MIAT: variants seen among roughly 807,000 people sequenced by gnomAD.
MIAT encodes MI related novel mRNA.
chr22:26,662,362 A>T (rs1182602068), intron 2 of MIAT, among the ~76,000 whole-genome samples: 3 of 152,122 alleles, frequency 2.0e-5, no homozygotes, highest in African/African-American at 7.2e-5. Context: ...TCATCTGTAA[A>T]GTGGGGATAA....
downstream of MIAT, chr22:26,670,586 A>G: frequency 2.6e-6 from 1 of 377,906 alleles, no homozygotes; most frequent in East Asian, 3.7e-5. Flanking sequence ...AACTTCTAGG[A>G]AATGTCATTG....
exon 5 of MIAT, chr22:26,675,028 T>G (rs1441519039): frequency 2.5e-6 from 1 of 398,798 alleles, no homozygotes; most frequent in Non-Finnish European, 4.4e-6. Flanking sequence ...GCACCTACTC[T>G]GTGCCAGGCG....
intron 2 of MIAT, among the ~76,000 whole-genome samples, chr22:26,647,764 G>T (rs2269671): frequency 0.19 from 28,861 of 151,796 alleles, 2,959 homozygotes; most frequent in Non-Finnish European, 0.23. Flanking sequence ...AGAACAGACT[G>T]GGGGGAAGCC....
downstream of MIAT, chr22:26,673,715 G>T (rs76314208): frequency 2.0e-3 from 813 of 398,692 alleles, 6 homozygotes; most frequent in African/African-American, 0.015. Context: ...ACAGGGAAAA[G>T]CATAGCTAAC....
downstream of MIAT, chr22:26,673,155 C>T (rs541430247): frequency 7.5e-6 from 3 of 398,550 alleles, no homozygotes; most frequent in South Asian, 1.3e-4. Flanking sequence ...AGAAGTGAAC[C>T]TCAGGGGCTC....
intron 2 of MIAT, among the ~76,000 whole-genome samples, chr22:26,662,914 A>T (rs763314902): frequency 2.0e-4 from 31 of 152,262 alleles, no homozygotes; most frequent in Non-Finnish European, 3.8e-4. Context: ...AGTGATAATA[A>T]TAATAATGAT....
chr22:26,652,332 A>ATCTC (rs1009469541), intron 2 of MIAT, among the ~76,000 whole-genome samples: 5 of 149,506 alleles, frequency 3.3e-5, no homozygotes, highest in Non-Finnish European at 7.4e-5. Flanking sequence ...TGAATTTCCT[A>ATCTC]TCTCTCTCTC....
downstream of MIAT, chr22:26,670,602 T>TTA (rs367735721): frequency 0.016 from 4,859 of 308,064 alleles, 1 homozygote; most frequent in East Asian, 0.022. Context: ...CATTGCTCCT[T>TTA]AAAAAAAAAA....
At chr22:26,648,666 G>A (rs987133639) in intron 2 of MIAT, among the ~76,000 whole-genome samples, 2 of 150,846 alleles carry the variant, frequency 1.3e-5, no homozygotes, top group Admixed American at 1.3e-4. Flanking sequence ...TTTTTTAAGT[G>A]CCGCTAATGT....
chr22:26,673,634 G>GGGCTAACACAGCTTTGAACTT (rs1289702635), downstream of MIAT: 12 of 398,562 alleles, frequency 3.0e-5, no homozygotes. Context: ...GGCTGGGAAG[G>GGGCTAACACAGCTTTGAACTT]GGCTAACACA....
downstream of MIAT, chr22:26,673,558 G>A: frequency 2.5e-6 from 1 of 398,668 alleles, no homozygotes; most frequent in Non-Finnish European, 4.4e-6. Flanking sequence ...ATGGTTTGTG[G>A]ATTTTTTTCT....
chr22:26,646,758 C>G (rs1915214286), exon 1 of MIAT: 1 of 398,600 alleles, frequency 2.5e-6, no homozygotes, highest in Non-Finnish European at 4.4e-6. Context: ...ATTATTTGCC[C>G]CAAACTGTCT....
downstream of MIAT, chr22:26,672,020 T>C: frequency 2.5e-6 from 1 of 399,050 alleles, no homozygotes; most frequent in Non-Finnish European, 4.4e-6. Context: ...TGTAGGCAGC[T>C]CTTTTGTTCG....
chr22:26,669,619 A>G, exon 6 of MIAT: 3 of 398,652 alleles, frequency 7.5e-6, no homozygotes, highest in Non-Finnish European at 1.3e-5. Flanking sequence ...CATTTGGGGG[A>G]GGGGACACCA....
At chr22:26,661,701 A>G (rs1930667417) in intron 2 of MIAT, among the ~76,000 whole-genome samples, 1 of 151,886 alleles carries the variant, frequency 6.6e-6, no homozygotes, top group African/African-American at 2.4e-5. Context: ...TGTGTTTGTA[A>G]CTACTACACT....
intron 2 of MIAT, among the ~76,000 whole-genome samples, chr22:26,661,676 T>C (rs149208883): frequency 6.6e-6 from 1 of 151,970 alleles, no homozygotes; most frequent in African/African-American, 2.4e-5. Flanking sequence ...CCGTATCTTG[T>C]TTGACTCTGA....
At chr22:26,669,244 G>A in exon 6 of MIAT, 1 of 398,754 alleles carries the variant, frequency 2.5e-6, no homozygotes, top group Non-Finnish European at 4.4e-6. Flanking sequence ...ATGCGGAGTG[G>A]TGTGTACTAT....
downstream of MIAT, chr22:26,669,773 G>C (rs2146017806): frequency 2.5e-6 from 1 of 398,980 alleles, no homozygotes; most frequent in Middle Eastern, 6.3e-4. Context: ...ACCATGCTGG[G>C]GTGGCTCAGG....
At chr22:26,663,395 C>T in exon 3 of MIAT, 1 of 398,674 alleles carries the variant, frequency 2.5e-6, no homozygotes, top group Non-Finnish European at 4.4e-6. Context: ...CAGGGGTAAC[C>T]AAGGTGATCC....
Sources: allele counts gnomAD v4.1 joint callset (sites outside exome capture counted in the v4.1 genomes callset), GRCh38; gene constraint gnomAD v4.1.1; transcripts MANE v1.5; gene names NCBI Gene and HGNC (gene_info 2026-07-23, HGNC 2026-07-21).